The following FOXJ2 variants were observed in gnomAD, a reference collection of about 807,000 sequenced individuals.
FOXJ2 encodes forkhead box protein J2.
In FOXJ2, 18 loss-of-function variants were observed where a neutral mutation model predicts 68.4. The ratio of observed to expected loss-of-function variants is 0.26; its 90% CI spans 0.18 to 0.39. The LOEUF (loss-of-function observed/expected upper bound fraction) is 0.39, where lower values mean the gene tolerates loss of function less well. Ranked by LOEUF, FOXJ2 falls within the 10% of genes least tolerant of loss-of-function variation. The pLI, the probability that FOXJ2 is intolerant of heterozygous loss-of-function variation, is 1.00. For synonymous variants in FOXJ2, 274 were observed against 263.2 expected (o/e 1.04, Z -0.40); for missense variants, 670 against 726.5 (o/e 0.92, Z 0.89).
intron 6 of FOXJ2, among the ~76,000 whole-genome samples, chr12:8,047,317 TAC>T (rs1002132843): frequency 3.3e-5 from 5 of 151,962 alleles, no homozygotes; most frequent in African/African-American, 1.2e-4. Context: ...GGCGTGGTGG[TAC>T]ACACCTGTAG....
At chr12:8,047,588 T>C (rs1947055519) in intron 6 of FOXJ2, among the ~76,000 whole-genome samples, 1 of 152,094 alleles carries the variant, frequency 6.6e-6, no homozygotes, top group African/African-American at 2.4e-5. Flanking sequence ...GCTGGGAAAC[T>C]GTGATTTCAG....
At chr12:8,049,762 T>TAA (rs1947090303) in intron 9 of FOXJ2, 191 bp downstream of exon 9, 1 of 511,184 alleles carries the variant, frequency 2.0e-6, no homozygotes, top group Non-Finnish European at 3.4e-6. Flanking sequence ...GCAAAAGAAA[T>TAA]AGACTGTATG....
Position 8,043,762 on chromosome 12 carries a change from A to G in FOXJ2, c.470A>G (p.Asp157Gly). 6.2e-6 allele frequency: 10 copies of G among 1,614,194 alleles called. No individual in the cohort carries two copies. Among genetic ancestry groups the G allele is most frequent in the Non-Finnish European group, 8.5e-6 (10 of 1,180,026 alleles). Residue 157 changes from aspartate (D) to glycine (G), a missense_variant, in exon 4 of 11, where the codon GAT becomes GGT. By Grantham distance (94) the Asp-to-Gly change is moderately conservative (BLOSUM62 -1). Around this residue, in one of 2 missense-constraint regions of FOXJ2, gnomAD observed 555 missense variants for 562.2 expected, o/e 0.99. Transcript: ENST00000162391. ...DISRKRRHPP[D>G]DDLSQDSPEQ... ...TCCCGAAAGAGAAGACACCCTCCAG[A>G]TGATGATGTAAGTTCCCAGCTCATG... is the stretch of plus-strand genomic sequence containing the variant.
Position 8,035,687 on chromosome 12 carries a change from T to G in FOXJ2, c.-15+1854T>G, listed in dbSNP as rs1485916710. Among the ~76,000 whole-genome samples the G allele has an allele frequency of 1.3e-5, 2 of 152,186 alleles. No homozygotes were observed. The highest frequency in any genetic ancestry group is 4.8e-5 in the African/African-American group (2 of 41,436). On this transcript the variant is annotated intron_variant, in intron 1 of 10. Transcript: ENST00000162391. This position sits in a 1 kb window ranked among gnomAD's most constrained non-coding sequence, Gnocchi z 4.0. ...GCCACGCAGTTTAACTGGCCCTGCT[T>G]GGACTGAGTTCCCTAACCCTGCTTG...
Position 8,048,190 on chromosome 12 carries a change from C to T in FOXJ2, c.1126C>T (p.His376Tyr). Residue 376 changes from histidine (H) to tyrosine (Y), a missense_variant, in exon 7 of 11, where the codon CAC becomes TAC. This residue lies in a region of FOXJ2 where 555 missense variants were observed against 562.2 expected (regional missense o/e 0.99). Transcript: ENST00000162391. ...ACCCCCGCTGCAGCATGGAGGCTAC[C>T]ACCCTCATCAGCACCATCCCCACTC... ...HPPPLQHGGY[H>Y]PHQHHPHSHP... 3 of 1,613,786 alleles carry T rather than the reference C, an allele frequency of 1.9e-6. No homozygotes were observed. The highest frequency in any genetic ancestry group is 2.5e-6 in the Non-Finnish European group (3 of 1,179,858).
rs929824936 is a variant in FOXJ2, at chr12:8,043,976, A to T, written c.503A>T (p.Glu168Val). The T allele has an allele frequency of 1.9e-6, 3 of 1,567,010 alleles. No homozygotes were observed. Among genetic ancestry groups the T allele is most frequent in the Admixed American group, 4.0e-5 (2 of 49,680 alleles). ...CTGTCCCAAGACTCACCAGAACAGG[A>T]GGCAAGCAAGAGCCCACGGGGAGGC... ...DDLSQDSPEQ[E>V]ASKSPRGGVA... Residue 168 changes from glutamate (E) to valine (V), a missense_variant, in exon 5 of 11, where the codon GAG (glutamate) becomes GTG (valine). Physicochemically the swap from Glu to Val is moderately radical, Grantham distance 121 (BLOSUM62 -2). Transcript: ENST00000162391.
intron 6 of FOXJ2, among the ~76,000 whole-genome samples, chr12:8,045,905 TACCTC>T (rs903555348): frequency 6.8e-6 from 1 of 146,292 alleles, no homozygotes; most frequent in Non-Finnish European, 1.5e-5. Flanking sequence ...GTGATCCACT[TACCTC>T]AGCCTCCCAA....
chr12:8,052,829 C>T lies in FOXJ2; in HGVS notation c.1704C>T (p.Phe568=), dbSNP rs775220607. Residue 568 remains phenylalanine (F), a synonymous_variant, in exon 11 of 11, where the codon TTC becomes TTT. Coordinates refer to ENST00000162391, the MANE Select transcript of FOXJ2 (RefSeq NM_018416.3). ...PGANEEIPDD[F]DWDLIT ...CCAATGAGGAGATCCCTGATGACTT[C>T]GACTGGGACTTGATCACTTAGTGCA... 1.4e-5 allele frequency: 23 copies of T among 1,607,168 alleles called. 1 individual carries two copies. The Middle Eastern group carries it at 6.7e-4, about 47-fold the overall frequency.
chr12:8,048,658 C>T (rs1356717373), intron 7 of FOXJ2, 39 bp from the exon 8 acceptor site: 2 of 1,558,638 alleles, frequency 1.3e-6, no homozygotes, highest in Admixed American at 1.7e-5. Flanking sequence ...TCTTACACTT[C>T]ACTCTATCTT....
intron 5 of FOXJ2, 87 bp from the exon 6 acceptor site, chr12:8,044,673 C>T: frequency 2.8e-6 from 4 of 1,407,748 alleles, no homozygotes; most frequent in Non-Finnish European, 4.0e-6. Flanking sequence ...ATGAAGAGGA[C>T]AGACAGGAGA....
chr12:8,042,793 T>C (rs1946982293), intron 3 of FOXJ2, 61 bp downstream of exon 3: 1 of 1,343,794 alleles, frequency 7.4e-7, no homozygotes, highest in Non-Finnish European at 1.1e-6. Flanking sequence ...TAGTTGACAG[T>C]CCAGAGTCCT....
Position 8,055,286 on chromosome 12 carries a change from TGGA to T in FOXJ2, c.*2441_*2443del, listed in dbSNP as rs1947173485. On this transcript the variant is annotated 3_prime_UTR_variant, in exon 11 of 11. Coordinates refer to ENST00000162391, the MANE Select transcript of FOXJ2 (RefSeq NM_018416.3). ...CTATAAGAGGAAATAAGAGAGAAAG[TGGA>T]GGAGAGGGACAAAAGGAGTAATTAT... 6.6e-6 allele frequency: 1 copy of T among 152,642 alleles called. No individual in the cohort carries two copies. The highest frequency in any genetic ancestry group is 6.5e-5 in the Admixed American group (1 of 15,278). The allele number at this position is 152,642 out of a possible 1,614,324, so 9.5% of individuals were successfully genotyped here.
intron 2 of FOXJ2, among the ~76,000 whole-genome samples, chr12:8,042,034 C>T (rs942127228): frequency 3.9e-5 from 6 of 152,252 alleles, no homozygotes; most frequent in African/African-American, 1.2e-4. Context: ...TGTGCTACCA[C>T]GCCTGGCTAA....
chr12:8,036,637 A>G (rs750676591), intron 1 of FOXJ2, among the ~76,000 whole-genome samples: 16 of 152,358 alleles, frequency 1.1e-4, no homozygotes, highest in African/African-American at 3.4e-4. Context: ...CTTTCTAATA[A>G]TAGCCCTGAA....
chr12:8,047,898 G>C lies in FOXJ2; in HGVS notation c.834G>C (p.Leu278=), dbSNP rs778395051. ...CACCTGCAGGCTTTTCTTCTCTCCTGGGGGACATCCCACCCTCGAACAACT... is the reference window on the plus strand; with the variant it reads ...CACCTGCAGGCTTTTCTTCTCTCCTCGGGGACATCCCACCCTCGAACAACT... ...SSSQHGFSSL[L]GDIPPSNNYY... Residue 278 remains leucine (L), a synonymous_variant, in exon 7 of 11, where the codon CTG becomes CTC. Coordinates refer to ENST00000162391, the MANE Select transcript of FOXJ2 (RefSeq NM_018416.3). 4.4e-6 allele frequency: 7 copies of C among 1,595,128 alleles called. No homozygotes were observed. The East Asian group carries it at 1.6e-4, about 36-fold the overall frequency.
chr12:8,047,376 G>A (rs1947051611), intron 6 of FOXJ2, among the ~76,000 whole-genome samples: 1 of 152,130 alleles, frequency 6.6e-6, no homozygotes, highest in Admixed American at 6.5e-5. Flanking sequence ...TTGAACCTGG[G>A]AGGCGGAGGT....
chr12:8,049,552 G>A lies in FOXJ2; in HGVS notation c.1518G>A (p.Gln506=). ...ADSCALTSGK[Q]ESAMSQVNSY... ...CCTGTGCCCTCACCAGTGGCAAACA[G>A]GAGTCAGCCATGAGCCAAGGTACTG... is the stretch of plus-strand genomic sequence containing the variant. Residue 506 remains glutamine, a synonymous_variant, in exon 9 of 11, where the codon CAG becomes CAA. Coordinates refer to ENST00000162391, the MANE Select transcript of FOXJ2 (RefSeq NM_018416.3). 1.9e-6 allele frequency: 3 copies of A among 1,605,702 alleles called. No individual in the cohort carries two copies. The highest frequency in any genetic ancestry group is 1.7e-6 in the Non-Finnish European group (2 of 1,173,612).
At chr12:8,043,849 T>G (rs2277414) in intron 4 of FOXJ2, 80 bp downstream of exon 4, 1,164,339 of 1,607,896 alleles carry the variant, frequency 0.72, 430,370 homozygotes, top group Non-Finnish European at 0.76. Flanking sequence ...TTCAGTCCTT[T>G]CAGAGGCAAA....
chr12:8,042,607 T>C (rs1946979777), intron 2 of FOXJ2, 51 bp from the exon 3 acceptor site: 3 of 1,486,532 alleles, frequency 2.0e-6, no homozygotes, highest in African/African-American at 2.8e-5. Context: ...TATTGGAAAA[T>C]GTTCTGCTCT....
Sources: gnomAD v4.1 joint callset for allele counts (sites outside exome capture counted in the v4.1 genomes callset) on GRCh38, gnomAD v4.1.1 for gene constraint, gnomAD v4.1.1 regional missense constraint, Gnocchi (gnomAD v3.1) non-coding constraint, MANE v1.5 for transcripts, NCBI Gene and HGNC (gene_info 2026-07-23, HGNC 2026-07-21) for gene names.